The following SPOCK3 variants were observed in gnomAD, a reference collection of about 807,000 sequenced individuals.
SPOCK3 encodes SPARC (osteonectin), cwcv and kazal like domains proteoglycan 3.
SPOCK3 carries 30 observed loss-of-function variants against 56.6 expected under a neutral mutation model. The observed-to-expected ratio is 0.53, with a 90% CI of 0.40 to 0.72. The LOEUF is 0.72. Ranked by LOEUF, SPOCK3 falls within the 30% of genes least tolerant of loss-of-function variation. SPOCK3 has a pLI of 0.00. For missense variants in SPOCK3, 527 were observed against 530.0 expected, an observed-to-expected ratio of 0.99 and a Z score of 0.06; for synonymous variants, 196 against 183.3, an observed-to-expected ratio of 1.07 and a Z score of -0.56.
chr4:167,173,687 A>T (rs888518645), intron 2 of SPOCK3, among the ~76,000 whole-genome samples: 1 of 152,170 alleles, frequency 6.6e-6, no homozygotes, highest in African/African-American at 2.4e-5. Context: ...AGTAATGGGT[A>T]CTGTGCTTAA....
At chr4:167,152,904 C>A (rs984620871) in intron 2 of SPOCK3, among the ~76,000 whole-genome samples, 7 of 151,952 alleles carry the variant, frequency 4.6e-5, no homozygotes, top group Non-Finnish European at 8.8e-5. Context: ...GTTTGTTTAG[C>A]CTATCTATTT....
intron 2 of SPOCK3, among the ~76,000 whole-genome samples, chr4:167,091,358 G>A (rs1009645333): frequency 6.6e-6 from 1 of 152,122 alleles, no homozygotes; most frequent in Non-Finnish European, 1.5e-5. Context: ...TAGGATCAGA[G>A]ATTTTGAAGA....
intron 2 of SPOCK3, among the ~76,000 whole-genome samples, chr4:167,141,587 G>C (rs1763536024): frequency 2.6e-5 from 4 of 151,956 alleles, no homozygotes; most frequent in Admixed American, 1.3e-4. Flanking sequence ...TAGGTCTGCT[G>C]TGTGTGTGCT....
chr4:167,141,829 A>T (rs1763558434), intron 2 of SPOCK3, among the ~76,000 whole-genome samples: 1 of 152,040 alleles, frequency 6.6e-6, no homozygotes, highest in African/African-American at 2.4e-5. Flanking sequence ...CAGTTCCCAA[A>T]TTTAAAAGGG....
intron 8 of SPOCK3, chr4:166,754,151 A>T: frequency 9.9e-7 from 1 of 1,005,962 alleles, no homozygotes; most frequent in Non-Finnish European, 1.2e-6. Context: ...AGTGATAAAA[A>T]ATCCATTTAT....
At chr4:166,998,893 T>C (rs1215963242) in intron 4 of SPOCK3, among the ~76,000 whole-genome samples, 2 of 152,142 alleles carry the variant, frequency 1.3e-5, no homozygotes, top group East Asian at 1.9e-4. Context: ...CACATTCACA[T>C]ACTAATGTTT....
intron 2 of SPOCK3, among the ~76,000 whole-genome samples, chr4:167,198,592 A>T (rs556015388): frequency 6.6e-6 from 1 of 152,322 alleles, no homozygotes; most frequent in South Asian, 2.1e-4. Flanking sequence ...ATAATAATTT[A>T]AAAAATTAGG....
chr4:167,138,545 A>G (rs1012395333), intron 2 of SPOCK3, among the ~76,000 whole-genome samples: 3 of 151,826 alleles, frequency 2.0e-5, no homozygotes, highest in African/African-American at 7.2e-5. Context: ...GCCTAGAATT[A>G]CTCTGTTCAT....
chr4:167,047,159 C>T (rs758637107), intron 3 of SPOCK3, among the ~76,000 whole-genome samples: 50 of 152,158 alleles, frequency 3.3e-4, no homozygotes, highest in South Asian at 6.2e-4. Flanking sequence ...AATGCATTTA[C>T]AGTCATAAGA....
chr4:167,008,899 A>G (rs1317099964), intron 3 of SPOCK3, among the ~76,000 whole-genome samples: 1 of 152,250 alleles, frequency 6.6e-6, no homozygotes, highest in East Asian at 1.9e-4. Flanking sequence ...TACTATGGTC[A>G]CTATTTGAGT....
intron 3 of SPOCK3, among the ~76,000 whole-genome samples, chr4:167,047,656 A>G (rs1448360103): frequency 6.6e-6 from 1 of 152,240 alleles, no homozygotes; most frequent in Non-Finnish European, 1.5e-5. Flanking sequence ...ATTTTTCTAT[A>G]GGCATTTTAA....
chr4:166,736,515 G>C (rs1006938283), intron 10 of SPOCK3, among the ~76,000 whole-genome samples: 2 of 152,056 alleles, frequency 1.3e-5, no homozygotes, highest in African/African-American at 4.8e-5. Context: ...AATGGATTCA[G>C]AGCAGGAATT....
intron 4 of SPOCK3, among the ~76,000 whole-genome samples, chr4:166,914,290 A>G (rs1737602479): frequency 1.3e-5 from 2 of 152,088 alleles, no homozygotes; most frequent in South Asian, 2.1e-4. Flanking sequence ...TCCCATCTCC[A>G]TATCTCTTCT....
chr4:166,958,721 G>A (rs1743801122), intron 4 of SPOCK3, among the ~76,000 whole-genome samples: 1 of 152,186 alleles, frequency 6.6e-6, no homozygotes, highest in Non-Finnish European at 1.5e-5. Flanking sequence ...AATTGAGAAT[G>A]CAATATTTAA....
intron 2 of SPOCK3, among the ~76,000 whole-genome samples, chr4:167,147,447 A>G (rs998077356): frequency 6.6e-6 from 1 of 152,128 alleles, no homozygotes; most frequent in African/African-American, 2.4e-5. Flanking sequence ...TGACCCAGCA[A>G]TCCCATTAAT....
At chr4:166,993,541 T>C (rs1234924534) in intron 4 of SPOCK3, among the ~76,000 whole-genome samples, 1 of 152,198 alleles carries the variant, frequency 6.6e-6, no homozygotes, top group Non-Finnish European at 1.5e-5. Context: ...TATAACACAA[T>C]GGTGGCTCAT....
At chr4:166,933,450 C>T (rs1740022369) in intron 4 of SPOCK3, among the ~76,000 whole-genome samples, 1 of 152,120 alleles carries the variant, frequency 6.6e-6, no homozygotes, top group Non-Finnish European at 1.5e-5. Context: ...GGGAATCCCT[C>T]CCTGAATGGT....
intron 3 of SPOCK3, among the ~76,000 whole-genome samples, chr4:167,044,662 T>C (rs28827008): frequency 0.015 from 2,218 of 152,248 alleles, 55 homozygotes; most frequent in African/African-American, 0.05. Flanking sequence ...TTGGTATTTC[T>C]TCTTTGACAC....
intron 9 of SPOCK3, among the ~76,000 whole-genome samples, chr4:166,739,677 A>G (rs572757081): frequency 2.0e-5 from 3 of 147,538 alleles, no homozygotes; most frequent in Non-Finnish European, 4.5e-5. Flanking sequence ...GTTCCAGGAG[A>G]TAAGAATATT....
Sources: gnomAD v4.1 joint callset for allele counts (sites outside exome capture counted in the v4.1 genomes callset) on GRCh38, gnomAD v4.1.1 for gene constraint, MANE v1.5 for transcripts, NCBI Gene and HGNC (gene_info 2026-07-23, HGNC 2026-07-21) for gene names.